Variants in TP63 observed in about 807,000 individuals in gnomAD.
TP63 encodes tumor protein p63, also known as tumor protein 63.
In TP63, 17 loss-of-function variants were observed where a neutral mutation model predicts 82.8. The observed-to-expected ratio is 0.21, with a 90% CI of 0.14 to 0.31. The LOEUF (loss-of-function observed/expected upper bound fraction) is 0.31, where lower values mean the gene tolerates loss of function less well. TP63 is among the 10% of genes least tolerant of loss of function. The pLI, the probability that TP63 is intolerant of heterozygous loss-of-function variation, is 1.00. For synonymous variants in TP63, 330 were observed against 321.7 expected, an observed-to-expected ratio of 1.03 and a Z score of -0.28; for missense variants, 648 against 895.3, an observed-to-expected ratio of 0.72 and a Z score of 3.52.
At chr3:189,752,137 TACATC>T (rs1221858127) in intron 3 of TP63, among the ~76,000 whole-genome samples, 1 of 152,118 alleles carries the variant, frequency 6.6e-6, no homozygotes, top group African/African-American at 2.4e-5. Context: ...ATTGTTGAGT[TACATC>T]AAATTATTGG....
chr3:189,789,905 A>G (rs1184698430), intron 3 of TP63: 3 of 1,463,334 alleles, frequency 2.1e-6, no homozygotes, highest in East Asian at 2.6e-5. Flanking sequence ...TTTTGTAAAA[A>G]AACTTACGTA....
chr3:189,660,355 A>G (rs751842269), intron 1 of TP63, among the ~76,000 whole-genome samples: 3 of 151,898 alleles, frequency 2.0e-5, no homozygotes, highest in Non-Finnish European at 2.9e-5. Context: ...TCATATGGCT[A>G]TAGGTGTATG....
At chr3:189,632,302 G>A (rs528530673) in intron 1 of TP63, among the ~76,000 whole-genome samples, 24 of 152,074 alleles carry the variant, frequency 1.6e-4, no homozygotes, top group Non-Finnish European at 2.9e-5. Flanking sequence ...ATGAGATTTC[G>A]TACTTTATTT....
At chr3:189,638,554 C>T (rs1205478383) in intron 1 of TP63, among the ~76,000 whole-genome samples, 2 of 152,044 alleles carry the variant, frequency 1.3e-5, no homozygotes, top group Admixed American at 1.3e-4. Context: ...TCTTAGATGG[C>T]AGCTCTAAAA....
chr3:189,690,698 T>C (rs1716847357), intron 1 of TP63, among the ~76,000 whole-genome samples: 1 of 152,228 alleles, frequency 6.6e-6, no homozygotes, highest in Non-Finnish European at 1.5e-5. Flanking sequence ...TGGCCTGTTA[T>C]TTACATGCTT....
chr3:189,760,309 C>T (rs1299617644), intron 3 of TP63, among the ~76,000 whole-genome samples: 1 of 152,178 alleles, frequency 6.6e-6, no homozygotes, highest in Non-Finnish European at 1.5e-5. Flanking sequence ...TGCCTATGAG[C>T]CTGTAAAATC....
intron 4 of TP63, among the ~76,000 whole-genome samples, chr3:189,842,255 G>A (rs367699006): frequency 4.7e-4 from 71 of 152,122 alleles, no homozygotes; most frequent in African/African-American, 1.6e-3. Context: ...TGTATGTCAC[G>A]TCTGTGTCCA....
At chr3:189,779,072 G>A (rs182481076) in intron 3 of TP63, among the ~76,000 whole-genome samples, 68 of 152,168 alleles carry the variant, frequency 4.5e-4, no homozygotes, top group Middle Eastern at 3.4e-3. Context: ...CACTCATACT[G>A]AATCCGTTTG....
the TP63 span, among the ~76,000 whole-genome samples, chr3:189,623,976 T>A: frequency 2.6e-5 from 4 of 152,222 alleles, no homozygotes; most frequent in Non-Finnish European, 5.9e-5. Flanking sequence ...GTTTAGAAGT[T>A]CACAGATAAA....
At chr3:189,606,686 G>A in the TP63 span, among the ~76,000 whole-genome samples, 1 of 151,776 alleles carries the variant, frequency 6.6e-6, no homozygotes, top group African/African-American at 2.4e-5. Context: ...TACAAAATGA[G>A]TAGGCACAGG....
chr3:189,781,621 G>A (rs1246007301), intron 3 of TP63, among the ~76,000 whole-genome samples: 2 of 151,944 alleles, frequency 1.3e-5, no homozygotes, highest in Non-Finnish European at 2.9e-5. Flanking sequence ...TCCTGGAAAG[G>A]GTGGAGAAGA....
chr3:189,890,708 G>C (rs573915516), intron 12 of TP63, 81 bp from the exon 13 acceptor site: 34 of 1,341,924 alleles, frequency 2.5e-5, no homozygotes, highest in Non-Finnish European at 3.6e-5. Flanking sequence ...AATATATTGG[G>C]TTTTCCCTTA....
At chr3:189,883,277 C>A (rs1316966981) in intron 10 of TP63, among the ~76,000 whole-genome samples, 1 of 152,192 alleles carries the variant, frequency 6.6e-6, no homozygotes, top group East Asian at 1.9e-4. Context: ...TTTCAGAATG[C>A]TTCTTCTAGT....
chr3:189,621,374 A>C, the TP63 span, among the ~76,000 whole-genome samples: 1 of 152,030 alleles, frequency 6.6e-6, no homozygotes, highest in African/African-American at 2.4e-5. Flanking sequence ...ATTATGTAGA[A>C]GACATTAGTA....
intron 3 of TP63, among the ~76,000 whole-genome samples, chr3:189,796,272 G>A (rs1217501811): frequency 2.1e-4 from 32 of 151,992 alleles, no homozygotes; most frequent in Admixed American, 2.1e-3. Flanking sequence ...GGATACATGT[G>A]TAAGATGTAA....
chr3:189,743,500 A>T (rs1344951718), intron 3 of TP63, among the ~76,000 whole-genome samples: 1 of 141,908 alleles, frequency 7.0e-6, no homozygotes, highest in Non-Finnish European at 1.5e-5. Flanking sequence ...ACCTACAAAC[A>T]CAAACACACA....
At chr3:189,696,152 C>A (rs1301493620) in intron 1 of TP63, among the ~76,000 whole-genome samples, 1 of 151,970 alleles carries the variant, frequency 6.6e-6, no homozygotes, top group Non-Finnish European at 1.5e-5. Flanking sequence ...ATGAATATAC[C>A]ATACAGAAGA....
chr3:189,644,645 A>G (rs949862293), intron 1 of TP63, among the ~76,000 whole-genome samples: 1 of 152,234 alleles, frequency 6.6e-6, no homozygotes, highest in East Asian at 1.9e-4. Context: ...TCCACACTGT[A>G]ACCCAAAAGT....
intron 5 of TP63, 117 bp downstream of exon 5, chr3:189,864,535 G>C: frequency 4.8e-6 from 2 of 414,280 alleles, no homozygotes; most frequent in African/African-American, 2.3e-5. Flanking sequence ...TGGCAGATCA[G>C]TCTGCCTTTT....
Sources: allele counts gnomAD v4.1 joint callset (sites outside exome capture counted in the v4.1 genomes callset), GRCh38; gene constraint gnomAD v4.1.1; transcripts MANE v1.5; gene names NCBI Gene and HGNC (gene_info 2026-07-23, HGNC 2026-07-21).